TENT4B: variants seen among roughly 807,000 people sequenced by gnomAD.
The protein encoded by TENT4B is PAP associated domain containing 5.
A neutral mutation model predicts 75.0 loss-of-function variants in TENT4B; 10 were observed. The ratio of observed to expected loss-of-function variants is 0.13; its 90% CI spans 0.08 to 0.23. TENT4B has a LOEUF of 0.23. Ranked by LOEUF, TENT4B falls within the 10% of genes least tolerant of loss-of-function variation. TENT4B has a pLI of 1.00. For synonymous variants in TENT4B, 350 were observed against 357.7 expected (o/e 0.98, Z 0.24); for missense variants, 579 against 893.8 (o/e 0.65, Z 4.49).
intron 1 of TENT4B, among the ~76,000 whole-genome samples, chr16:50,194,318 C>A (rs936755414): frequency 6.6e-6 from 1 of 150,568 alleles, no homozygotes; most frequent in African/African-American, 2.4e-5. Flanking sequence ...CGGGTTCAAG[C>A]GATTCTCCCA....
chr16:50,189,277 G>A (rs1024193799), intron 1 of TENT4B, among the ~76,000 whole-genome samples: 5 of 151,976 alleles, frequency 3.3e-5, no homozygotes, highest in Non-Finnish European at 7.4e-5. Flanking sequence ...GGAGTACCTT[G>A]TCTTCTCACT....
Position 50,230,755 on chromosome 16 carries a change from TATC to T in TENT4B, c.*1430_*1432del, listed in dbSNP as rs1049988913. 89 of 985,846 alleles carry T rather than the reference TATC, an allele frequency of 9.0e-5. No individual in the cohort carries two copies. Among genetic ancestry groups the T allele is most frequent in the Non-Finnish European group, 9.8e-5 (81 of 829,904 alleles). The allele number at this position is 985,846 out of a possible 1,614,324, so 61.1% of individuals were successfully genotyped here. A position where few individuals can be genotyped will look rare whatever the true frequency, so the allele number is the denominator to read the frequency against. ...AGTGCAATGAGATGTATAATTCTGT[TATC>T]ATTACCTGTTGAGTTTGAAACTCAG... On this transcript the variant is annotated 3_prime_UTR_variant, in exon 12 of 12. Coordinates refer to ENST00000561678, the MANE Select transcript of TENT4B (RefSeq NM_001365324.3).
intron 1 of TENT4B, among the ~76,000 whole-genome samples, chr16:50,177,799 A>C (rs1414926507): frequency 1.3e-5 from 2 of 152,116 alleles, no homozygotes; most frequent in African/African-American, 4.8e-5. Flanking sequence ...CTAGAAAACT[A>C]AGTTTTTAAG....
chr16:50,211,067 G>T (rs925264522), intron 1 of TENT4B, among the ~76,000 whole-genome samples: 3 of 152,154 alleles, frequency 2.0e-5, no homozygotes, highest in Non-Finnish European at 2.9e-5. Flanking sequence ...AGGCCAGCCC[G>T]TATGCTTGTT....
At chr16:50,219,272 G>C (rs533386955) in intron 5 of TENT4B, among the ~76,000 whole-genome samples, 2 of 152,144 alleles carry the variant, frequency 1.3e-5, no homozygotes, top group East Asian at 1.9e-4. Context: ...ATTGTTTTTT[G>C]CGTTGCTTTT....
At chr16:50,184,201 T>C (rs2038479339) in intron 1 of TENT4B, among the ~76,000 whole-genome samples, 1 of 152,242 alleles carries the variant, frequency 6.6e-6, no homozygotes, top group African/African-American at 2.4e-5. Flanking sequence ...TGGCTTTTGA[T>C]GTCTGCCTTT....
In TENT4B at chr16:50,231,055, A is replaced by C. The variant is rs557621269; in HGVS notation, c.*1727A>C. The C allele has an allele frequency of 5.1e-4, 501 of 983,096 alleles. No individual in the cohort carries two copies. Among genetic ancestry groups the C allele is most frequent in the Non-Finnish European group, 5.7e-4 (471 of 827,372 alleles). The allele number at this position is 983,096 out of a possible 1,614,324, so 60.9% of individuals were successfully genotyped here. A position where few individuals can be genotyped will look rare whatever the true frequency, so the allele number is the denominator to read the frequency against. ...AAGAAAATAATGCTAAAGTAAGACC[A>C]AAACTGATGTCATCACTGAAATTAA... On this transcript the variant is annotated 3_prime_UTR_variant, in exon 12 of 12. Coordinates refer to ENST00000561678, the MANE Select transcript of TENT4B (RefSeq NM_001365324.3).
intron 1 of TENT4B, among the ~76,000 whole-genome samples, chr16:50,154,919 A>G (rs2037861569): frequency 6.6e-6 from 1 of 152,132 alleles, no homozygotes; most frequent in African/African-American, 2.4e-5. Context: ...ATGGGTGACC[A>G]CTAAGTTTAG....
intron 1 of TENT4B, among the ~76,000 whole-genome samples, chr16:50,180,533 C>T (rs2038393589): frequency 6.6e-6 from 1 of 152,142 alleles, no homozygotes; most frequent in Non-Finnish European, 1.5e-5. Flanking sequence ...ATGGCGAAAC[C>T]CTGTTTCTAC....
chr16:50,167,023 A>G (rs974340767), intron 1 of TENT4B, among the ~76,000 whole-genome samples: 2 of 152,216 alleles, frequency 1.3e-5, no homozygotes, highest in African/African-American at 4.8e-5. Context: ...TCCTGGGCTC[A>G]AACAGTACTC....
chr16:50,217,774 C>CTCTCTCTCTCTCTCTCTT (rs1555512105), intron 5 of TENT4B, 111 bp downstream of exon 5: 1 of 632,462 alleles, frequency 1.6e-6, no homozygotes, highest in South Asian at 2.0e-5. Context: ...CTCTCTCTCT[C>CTCTCTCTCTCTCTCTCTT]TTTTAAATAG....
chr16:50,207,655 C>T (rs923792260), intron 1 of TENT4B, among the ~76,000 whole-genome samples: 3 of 152,134 alleles, frequency 2.0e-5, no homozygotes, highest in African/African-American at 4.8e-5. Flanking sequence ...GGGCATGTGT[C>T]ATCCAGCAAT....
intron 1 of TENT4B, among the ~76,000 whole-genome samples, chr16:50,175,855 T>TCG (rs1452171826): frequency 6.6e-6 from 1 of 151,906 alleles, no homozygotes; most frequent in African/African-American, 2.4e-5. Context: ...CATCAAGGCT[T>TCG]CGTTGCAGCC....
chr16:50,217,413 T>C (rs560782747), intron 4 of TENT4B, 143 bp from the exon 5 acceptor site: 3 of 550,674 alleles, frequency 5.4e-6, no homozygotes, highest in African/African-American at 3.9e-5. Flanking sequence ...CCAGGTTTAC[T>C]GGGGTGTGCC....
intron 1 of TENT4B, 59 bp downstream of exon 1, chr16:50,154,318 C>T: frequency 1.4e-6 from 2 of 1,380,824 alleles, no homozygotes; most frequent in Non-Finnish European, 1.9e-6. Context: ...GCCGGGCACA[C>T]GCCCACAGAG....
chr16:50,161,946 C>T (rs1383107095), intron 1 of TENT4B, among the ~76,000 whole-genome samples: 1 of 152,128 alleles, frequency 6.6e-6, no homozygotes, highest in Non-Finnish European at 1.5e-5. Context: ...CACCTCAGGG[C>T]TCCCTATGCT....
intron 1 of TENT4B, among the ~76,000 whole-genome samples, chr16:50,158,245 C>A (rs1464414904): frequency 6.6e-6 from 1 of 152,124 alleles, no homozygotes; most frequent in Non-Finnish European, 1.5e-5. Flanking sequence ...CGCCACCATG[C>A]CCAGGTAATT....
In TENT4B at chr16:50,197,369, A is replaced by C. The variant is rs879533916; in HGVS notation, c.639-13954A>C. Among the ~76,000 whole-genome samples, 45 of 152,120 alleles carry C rather than the reference A, an allele frequency of 3.0e-4. 1 individual carries two copies. Among genetic ancestry groups the C allele is most frequent in the Non-Finnish European group, 6.2e-4 (42 of 68,002 alleles). On this transcript the variant is annotated intron_variant, in intron 1 of 11. Coordinates refer to ENST00000561678, the MANE Select transcript of TENT4B (RefSeq NM_001365324.3). ...AGTGGTGCAAGCACAGCTCACTGCA[A>C]CCTCCGCCTTCTGGGTTCAAGTGAT...
upstream of TENT4B, among the ~76,000 whole-genome samples, chr16:50,153,201 C>G (rs1190961434): frequency 1.2e-3 from 47 of 38,950 alleles, no homozygotes; most frequent in Admixed American, 5.3e-3. Flanking sequence ...GGGGGCGGAG[C>G]GAGAGGGGCG....
Sources: gnomAD v4.1 joint callset for allele counts (sites outside exome capture counted in the v4.1 genomes callset) on GRCh38, gnomAD v4.1.1 for gene constraint, MANE v1.5 for transcripts, NCBI Gene and HGNC (gene_info 2026-07-23, HGNC 2026-07-21) for gene names.